The following PRR35 variants were observed in gnomAD, a reference collection of about 807,000 sequenced individuals.
The protein encoded by PRR35 is proline-rich protein 35.
Under a neutral mutation model 18.6 loss-of-function variants are expected in PRR35, and 14 were observed. The ratio of observed to expected loss-of-function variants is 0.75; its 90% confidence interval spans 0.50 to 1.18. The LOEUF (loss-of-function observed/expected upper bound fraction) is 1.18, where lower values mean the gene tolerates loss of function less well. Ranked by LOEUF, PRR35 falls within the 50% of genes most tolerant of loss-of-function variation. PRR35 has a pLI of 0.00. For missense variants in PRR35, 832 were observed against 792.2 expected (o/e 1.05, Z -0.60); for synonymous variants, 425 against 378.2 (o/e 1.12, Z -1.43).
At position 565,269 on chromosome 16, in the gene PRR35, G is replaced by A. The variant is rs1300934678; in HGVS notation, c.1678G>A (p.Val560Ile). The change falls in exon 3 of 3, where the codon GTC (valine) becomes ATC (isoleucine). Residue 560 changes from valine (V) to isoleucine (I), a missense_variant. Physicochemically the swap from Val to Ile is conservative, Grantham distance 29. Coordinates refer to ENST00000409413, the MANE Select transcript of PRR35 (RefSeq NM_145270.3). Reference protein sequence around the residue: ...ATRSSQTPEAVCGLQSPQGAE... With the variant: ...ATRSSQTPEAICGLQSPQGAE... ...GAGGAGTTCCCAGACCCCTGAGGCT[G>A]TCTGTGGCCTGCAGAGCCCCCAGGG... The A allele has an allele frequency of 8.9e-6, 14 of 1,564,482 alleles. No individual in the cohort carries two copies. The highest frequency in any genetic ancestry group is 4.1e-5 in the African/African-American group (3 of 73,374).
intron 1 of PRR35, among the ~76,000 whole-genome samples, chr16:561,319 G>T (rs898909553): frequency 6.6e-6 from 1 of 152,224 alleles, no homozygotes; most frequent in Non-Finnish European, 1.5e-5. Flanking sequence ...CCCGGTCCCT[G>T]CTGGGAGGCG....
chr16:561,490 A>G (rs2035434524), intron 1 of PRR35, among the ~76,000 whole-genome samples: 1 of 152,008 alleles, frequency 6.6e-6, no homozygotes, highest in African/African-American at 2.4e-5. Flanking sequence ...CTCTGCACCC[A>G]CCACCCAGTC....
chr16:561,179 T>C (rs1253692820), intron 1 of PRR35, among the ~76,000 whole-genome samples: 1 of 152,206 alleles, frequency 6.6e-6, no homozygotes, highest in Non-Finnish European at 1.5e-5. Context: ...TGTGTGTGCG[T>C]GTGGCTGCTG....
chr16:561,147 C>G (rs1226506128), intron 1 of PRR35, among the ~76,000 whole-genome samples: 3 of 152,184 alleles, frequency 2.0e-5, no homozygotes, highest in Non-Finnish European at 4.4e-5. Context: ...GGCTGGGACG[C>G]GCGTGTGAGT....
rs2035414279 is a variant in PRR35, at chr16:560,483, G to A, written c.-218G>A. On this transcript the variant is annotated 5_prime_UTR_variant, in exon 1 of 3. Transcript: ENST00000409413. The stretch of plus-strand genomic sequence containing the variant: ...GCCGCTCGAGGGACCGCGGACCCGG[G>A]AGGTCCGGCTCCCGGCGCCGGGCCT... The A allele has an allele frequency of 1.0e-6, 1 of 982,606 alleles. No homozygotes were observed. Among genetic ancestry groups the A allele is most frequent in the Admixed American group, 6.2e-5 (1 of 16,062 alleles). 60.9% of individuals were successfully genotyped at this position (982,606 alleles called of 1,614,324 possible).
In PRR35 at chr16:563,632, C is replaced by T. The variant is rs372727242; in HGVS notation, c.338C>T (p.Ala113Val). 1.7e-4 allele frequency: 272 copies of T among 1,580,892 alleles called. No individual in the cohort carries two copies. Among genetic ancestry groups the T allele is most frequent in the Non-Finnish European group, 2.2e-4 (255 of 1,169,886 alleles). Residue 113 changes from alanine (A) to valine (V), a missense_variant, in exon 2 of 3, where the codon GCG becomes GTG. Physicochemically the swap from Ala to Val is moderately conservative, Grantham distance 64. Transcript: ENST00000409413. Reference protein sequence around the residue: ...QGARPTGAAPAPDLVVADIHS... With the variant: ...QGARPTGAAPVPDLVVADIHS... Reference sequence around the variant, plus strand: ...GCACGGCCCACAGGTGCTGCCCCCGCGCCTGACCTCGTGGTCGCCGACATC... The same window carrying T: ...GCACGGCCCACAGGTGCTGCCCCCGTGCCTGACCTCGTGGTCGCCGACATC...
rs978476176 is a variant in PRR35 at position 560,654 on chromosome 16, G to C, written c.-47G>C. ...AGACTTGGCGGCTCCGCTCCCGGCC[G>C]GGCGCAGGTAGGAGCGGCGGGAGCC... On this transcript the variant is annotated 5_prime_UTR_variant, in exon 1 of 3. Transcript: ENST00000409413. 6 of 924,988 alleles carry C rather than the reference G, an allele frequency of 6.5e-6. No homozygotes were observed. In the East Asian group the frequency reaches 6.9e-4, roughly 107 times the overall value. 57.3% of individuals were successfully genotyped at this position (924,988 alleles called of 1,614,324 possible).
In PRR35 at chr16:564,714, G is replaced by C. The variant is rs372350826; in HGVS notation, c.1123G>C (p.Gly375Arg). The C allele has an allele frequency of 8.8e-5, 135 of 1,533,706 alleles. No homozygotes were observed. The Admixed American group carries it at 2.5e-3, about 29-fold the overall frequency. Residue 375 changes from glycine to arginine, a missense_variant, in exon 3 of 3, where the codon GGG becomes CGG. Physicochemically the swap from Gly to Arg is moderately radical, Grantham distance 125. Coordinates refer to ENST00000409413, the MANE Select transcript of PRR35 (RefSeq NM_145270.3). ...GSSVMLWPED[G>R]DPGGPETPGP... ...CTCTGTGATGCTGTGGCCTGAGGACGGGGATCCAGGCGGCCCTGAGACCCC... is the reference window on the plus strand; with the variant it reads ...CTCTGTGATGCTGTGGCCTGAGGACCGGGATCCAGGCGGCCCTGAGACCCC...
At chr16:560,709 C>T (rs1596372886) in intron 1 of PRR35, 48 bp downstream of exon 1, 2 of 977,512 alleles carry the variant, frequency 2.0e-6, no homozygotes, top group South Asian at 9.1e-5. Flanking sequence ...CGTCGCGGGG[C>T]CGGCTGGACG....
At position 560,613 on chromosome 16, in the gene PRR35, C is replaced by T. The variant is rs1375733018; in HGVS notation, c.-88C>T. 6 of 982,880 alleles carry T rather than the reference C, an allele frequency of 6.1e-6. No individual in the cohort carries two copies. Among genetic ancestry groups the T allele is most frequent in the Non-Finnish European group, 7.2e-6 (6 of 828,994 alleles). 60.9% of individuals were successfully genotyped at this position (982,880 alleles called of 1,614,324 possible). The stretch of plus-strand genomic sequence containing the variant: ...CGGGGAGGGGCGGGAAGTTTGCGCC[C>T]TACACGCGGCCTCGCAGACTTGGCG... On this transcript the variant is annotated 5_prime_UTR_variant, in exon 1 of 3. Transcript: ENST00000409413.
At chr16:564,419 CTGGGCGGCTGGGCATGGCGGT>C (rs768247449) in intron 2 of PRR35, 43 bp downstream of exon 2, 176 of 1,580,096 alleles carry the variant, frequency 1.1e-4, no homozygotes, top group African/African-American at 4.4e-4. Flanking sequence ...GACGGAGGGG[CTGGGCGGCTGGGCATGGCGGT>C]TGGGCGGCTG....
rs957110728 is a variant in PRR35 at position 564,112 on chromosome 16, C to T, written c.818C>T (p.Thr273Ile). The change falls in exon 2 of 3, where the codon ACT (threonine) becomes ATT (isoleucine). Residue 273 changes from threonine (T) to isoleucine (I), a missense_variant. Physicochemically the swap from Thr to Ile is moderately conservative, Grantham distance 89. Transcript: ENST00000409413. ...TACTACCCGCTGCTTCTGGAGCACA[C>T]TCTGGGGCTGCCAGCAGGCAAAGCT... ...RLYYPLLLEH[T>I]LGLPAGKAAL... The T allele has an allele frequency of 1.3e-5, 21 of 1,573,926 alleles. No individual in the cohort carries two copies. The highest frequency in any genetic ancestry group is 8.8e-5 in the Admixed American group (5 of 56,864).
rs1410241657 is a variant in PRR35, at chr16:563,900, C to T, written c.606C>T (p.His202=). The T allele has an allele frequency of 1.9e-6, 3 of 1,586,202 alleles. No homozygotes were observed. The highest frequency in any genetic ancestry group is 2.3e-5 in the East Asian group (1 of 43,082). The change falls in exon 2 of 3, where the codon CAC becomes CAT. Residue 202 remains histidine, a synonymous_variant. Coordinates refer to ENST00000409413, the MANE Select transcript of PRR35 (RefSeq NM_145270.3). ...PPAPGEFPEA[H]SLHLSLLGVN... Reference sequence around the variant, plus strand: ...CCCCAGGGGAGTTCCCTGAGGCCCACAGCCTCCACCTGTCTCTGCTGGGCG... The same window carrying T: ...CCCCAGGGGAGTTCCCTGAGGCCCATAGCCTCCACCTGTCTCTGCTGGGCG...
At chr16:562,506 C>CACA (rs56235630) in intron 1 of PRR35, among the ~76,000 whole-genome samples, 29,830 of 149,034 alleles carry the variant, frequency 0.2, 3,232 homozygotes, top group South Asian at 0.31. Context: ...TGCACAGAGG[C>CACA]ACATGCACAC....
In PRR35 at chr16:560,942, G is replaced by A. The variant is rs573674556; in HGVS notation, c.-40+281G>A. Among the ~76,000 whole-genome samples, 71 of 151,902 alleles carry A rather than the reference G, an allele frequency of 4.7e-4. 1 individual carries two copies. The highest frequency in any genetic ancestry group is 1.7e-3 in the African/African-American group (69 of 41,448). On this transcript the variant is annotated intron_variant, in intron 1 of 2. Transcript: ENST00000409413. ...GGGGCGCCCTGCGTTCCCGGGGGGG[G>A]GGGCAGCAGGATCTGCGGGTGGCCG...
chr16:563,739 C>T lies in PRR35; in HGVS notation c.445C>T (p.Arg149Trp), dbSNP rs761819533. The T allele has an allele frequency of 6.6e-5, 100 of 1,523,850 alleles. No individual in the cohort carries two copies. Among genetic ancestry groups the T allele is most frequent in the Non-Finnish European group, 7.8e-5 (89 of 1,138,600 alleles). 94.4% of individuals were successfully genotyped at this position (1,523,850 alleles called of 1,614,324 possible). Residue 149 changes from arginine to tryptophan, a missense_variant, in exon 2 of 3, where the codon CGG becomes TGG. Transcript: ENST00000409413. ...ACCACCCCCTGTGGCTAGGGCCACC[C>T]GGAAGGGTCCCGGCCCCAGTGGGCT... Reference protein sequence around the residue: ...GPPPPVARATRKGPGPSGLLP... With the variant: ...GPPPPVARATWKGPGPSGLLP...
chr16:561,709 G>A, intron 1 of PRR35: 18 of 984,878 alleles, frequency 1.8e-5, no homozygotes, highest in Non-Finnish European at 2.2e-5. Context: ...CCAACACAGT[G>A]TTTTGGGGGC....
intron 2 of PRR35, 79 bp downstream of exon 2, chr16:564,455 T>C: frequency 1.3e-6 from 2 of 1,531,496 alleles, no homozygotes; most frequent in Non-Finnish European, 1.8e-6. Context: ...CGGCTGGGCA[T>C]GGCGGCTGGG....
At position 563,263 on chromosome 16, in the gene PRR35, T is replaced by A; in HGVS notation, c.-32T>A. The A allele has an allele frequency of 6.4e-7, 1 of 1,564,978 alleles. No homozygotes were observed. The highest frequency in any genetic ancestry group is 8.6e-7 in the Non-Finnish European group (1 of 1,159,650). On this transcript the variant is annotated 5_prime_UTR_variant, in exon 2 of 3. It removes an upstream start codon present in the reference 5' UTR. Coordinates refer to ENST00000409413, the MANE Select transcript of PRR35 (RefSeq NM_145270.3). Reference sequence around the variant, plus strand: ...CTGTGGCCCCATCTACAGGTGGCCATGGTGCCCGGCCCTGCCTCATAGCAG... The same window carrying A: ...CTGTGGCCCCATCTACAGGTGGCCAAGGTGCCCGGCCCTGCCTCATAGCAG...
Sources: allele counts gnomAD v4.1 joint callset (sites outside exome capture counted in the v4.1 genomes callset), GRCh38; gene constraint gnomAD v4.1.1; transcripts MANE v1.5; gene names NCBI Gene and HGNC (gene_info 2026-07-23, HGNC 2026-07-21).